THSD7B: variants seen among roughly 807,000 people sequenced by gnomAD.
The protein encoded by THSD7B is thrombospondin type-1 domain-containing protein 7B.
Under a neutral mutation model 213.6 loss-of-function variants are expected in THSD7B, and 138 were observed. That is an observed-to-expected ratio of 0.65 (90% CI 0.56 to 0.74). The LOEUF is 0.74. Ranked by LOEUF, THSD7B falls within the 30% of genes least tolerant of loss-of-function variation. The probability of loss-of-function intolerance (pLI) is 0.00; values close to 1 mark genes in which losing one functional copy is unlikely to be tolerated. For missense variants in THSD7B, 1,931 were observed against 1,991.5 expected, an observed-to-expected ratio of 0.97 and a Z score of 0.58; for synonymous variants, 742 against 687.0, an observed-to-expected ratio of 1.08 and a Z score of -1.25.
At chr2:137,248,626 T>C (rs1682095914) in intron 10 of THSD7B, among the ~76,000 whole-genome samples, 1 of 152,132 alleles carries the variant, frequency 6.6e-6, no homozygotes, top group East Asian at 1.9e-4. Context: ...AGCACTAACT[T>C]GCCTCTTTAC....
intron 2 of THSD7B, among the ~76,000 whole-genome samples, chr2:137,030,395 T>G (rs886511059): frequency 1.8e-4 from 28 of 152,180 alleles, no homozygotes; most frequent in African/African-American, 6.8e-4. Context: ...AAGAACGGTA[T>G]GGCCCAGTAG....
At chr2:136,911,968 T>C (rs1243918116) in intron 2 of THSD7B, among the ~76,000 whole-genome samples, 1 of 152,048 alleles carries the variant, frequency 6.6e-6, no homozygotes, top group Non-Finnish European at 1.5e-5. Context: ...GTCTGTGCAT[T>C]ACTGATGGAT....
intron 12 of THSD7B, among the ~76,000 whole-genome samples, chr2:137,314,201 C>T (rs1431325473): frequency 6.6e-6 from 1 of 152,094 alleles, no homozygotes; most frequent in Non-Finnish European, 1.5e-5. Context: ...AGGCTTTGCT[C>T]ATTTCTTTTT....
At chr2:137,481,214 A>G (rs1027629315) in intron 15 of THSD7B, among the ~76,000 whole-genome samples, 1 of 152,266 alleles carries the variant, frequency 6.6e-6, no homozygotes, top group South Asian at 2.1e-4. Flanking sequence ...TTATAATAGT[A>G]CAAACATACT....
intron 2 of THSD7B, among the ~76,000 whole-genome samples, chr2:136,902,596 G>A (rs1054839080): frequency 2.0e-5 from 3 of 152,186 alleles, no homozygotes; most frequent in African/African-American, 7.2e-5. Flanking sequence ...TCCAGAGCCT[G>A]CCATAAGGGA....
chr2:137,242,268 G>A (rs1453911214), intron 9 of THSD7B, among the ~76,000 whole-genome samples, 189 bp from the exon 10 acceptor site: 3 of 152,120 alleles, frequency 2.0e-5, no homozygotes, highest in African/African-American at 7.2e-5. Context: ...AGAGAGCTGA[G>A]GTCTGCTTCA....
chr2:136,924,629 A>G (rs1449943510), intron 2 of THSD7B, among the ~76,000 whole-genome samples: 1 of 151,676 alleles, frequency 6.6e-6, no homozygotes, highest in East Asian at 1.9e-4. Flanking sequence ...CCTTGGCCTT[A>G]TTTTTTTTCA....
intron 1 of THSD7B, among the ~76,000 whole-genome samples, chr2:136,821,664 G>A (rs1558816162): frequency 6.6e-6 from 1 of 152,320 alleles, no homozygotes; most frequent in South Asian, 2.1e-4. Context: ...AAGACCAGGA[G>A]CTCTGCAAAG....
intron 2 of THSD7B, among the ~76,000 whole-genome samples, chr2:137,048,052 T>TC (rs1356209486): frequency 6.6e-6 from 1 of 151,754 alleles, no homozygotes; most frequent in Non-Finnish European, 1.5e-5. Flanking sequence ...ATGCTATCCC[T>TC]CCCCTTGCCC....
intron 2 of THSD7B, among the ~76,000 whole-genome samples, chr2:136,988,918 A>G (rs934660271): frequency 1.3e-5 from 2 of 152,362 alleles, no homozygotes; most frequent in East Asian, 1.9e-4. Context: ...AGAAAAACAA[A>G]TGTTCCCCAA....
At chr2:137,026,039 C>T (rs1283168213) in intron 2 of THSD7B, among the ~76,000 whole-genome samples, 1 of 152,164 alleles carries the variant, frequency 6.6e-6, no homozygotes, top group Admixed American at 6.5e-5. Flanking sequence ...TTCTTTCCAT[C>T]AGGTCCACAT....
At chr2:137,621,345 A>C (rs1682516287) in intron 20 of THSD7B, among the ~76,000 whole-genome samples, 1 of 152,222 alleles carries the variant, frequency 6.6e-6, no homozygotes, top group Non-Finnish European at 1.5e-5. Context: ...AAGGAAATGT[A>C]CTTTCTGGGT....
chr2:137,222,424 G>A (rs1034501574), intron 7 of THSD7B, among the ~76,000 whole-genome samples: 21 of 152,124 alleles, frequency 1.4e-4, no homozygotes, highest in African/African-American at 4.8e-4. Context: ...ACATTACAGA[G>A]GTCACATATT....
chr2:136,976,447 G>T (rs756860745), intron 2 of THSD7B, among the ~76,000 whole-genome samples: 15 of 152,014 alleles, frequency 9.9e-5, no homozygotes, highest in Non-Finnish European at 1.9e-4. Flanking sequence ...CTTATCTTTA[G>T]TTCTGTTTAT....
At chr2:137,413,850 G>C (rs1360721362) in intron 14 of THSD7B, among the ~76,000 whole-genome samples, 2 of 152,152 alleles carry the variant, frequency 1.3e-5, no homozygotes, top group African/African-American at 4.8e-5. Context: ...TTAAAAGGGG[G>C]AAGGAAGCTG....
chr2:136,771,896 T>C (rs866926637), intron 1 of THSD7B, among the ~76,000 whole-genome samples: 32 of 152,108 alleles, frequency 2.1e-4, no homozygotes, highest in African/African-American at 7.7e-4. Context: ...CTTACCAATA[T>C]CCAGGTAGGC....
chr2:137,254,334 T>C (rs1202116327), intron 10 of THSD7B, among the ~76,000 whole-genome samples: 1 of 152,230 alleles, frequency 6.6e-6, no homozygotes, highest in Non-Finnish European at 1.5e-5. Context: ...TCATATTGTA[T>C]TTTGAGACCT....
intron 12 of THSD7B, among the ~76,000 whole-genome samples, chr2:137,332,686 G>T (rs769253398): frequency 1.4e-4 from 22 of 152,140 alleles, no homozygotes; most frequent in South Asian, 2.1e-4. Context: ...CCCAACATGT[G>T]CTGAGAGGGA....
intron 12 of THSD7B, among the ~76,000 whole-genome samples, chr2:137,304,700 A>G (rs60454181): frequency 0.062 from 9,368 of 152,090 alleles, 542 homozygotes; most frequent in African/African-American, 0.14. Context: ...CATATCTGAT[A>G]ATGCCTAGCT....
Sources: gnomAD v4.1 joint callset for allele counts (sites outside exome capture counted in the v4.1 genomes callset) on GRCh38, gnomAD v4.1.1 for gene constraint, MANE v1.5 for transcripts, NCBI Gene and HGNC (gene_info 2026-07-23, HGNC 2026-07-21) for gene names.